ZNF655: variants seen among roughly 807,000 people sequenced by gnomAD.
ZNF655 encodes zinc finger protein 655.
Under a neutral mutation model 6.6 loss-of-function variants are expected in ZNF655, and 3 were observed. That is an observed-to-expected ratio of 0.46 (90% CI 0.21 to 1.18). ZNF655 has a LOEUF of 1.18. ZNF655 is among the 50% of genes most tolerant of loss of function. The pLI, the probability that ZNF655 is intolerant of heterozygous loss-of-function variation, is 0.24. For missense variants in ZNF655, 526 were observed against 572.3 expected (o/e 0.92, Z 0.83); for synonymous variants, 178 against 195.0 (o/e 0.91, Z 0.73).
chr7:99,560,419 A>G (rs1803034693), intron 1 of ZNF655, 114 bp from the exon 2 acceptor site: 1 of 1,091,588 alleles, frequency 9.2e-7, no homozygotes, highest in Non-Finnish European at 1.3e-6. Flanking sequence ...ATCATTATCA[A>G]CTAATTTTTA....
chr7:99,563,958 C>T (rs143471793), intron 2 of ZNF655: 15 of 1,613,934 alleles, frequency 9.3e-6, no homozygotes, highest in Non-Finnish European at 1.3e-5. Flanking sequence ...TGGAGAAACA[C>T]TTGCCGTCCT....
At chr7:99,568,975 G>T (rs1165592834) in intron 2 of ZNF655, among the ~76,000 whole-genome samples, 1 of 152,054 alleles carries the variant, frequency 6.6e-6, no homozygotes, top group Non-Finnish European at 1.5e-5. Context: ...TGTAGAGGTG[G>T]GATCTCACTA....
At chr7:99,560,813 G>T in intron 2 of ZNF655, 118 bp downstream of exon 2, 2 of 1,338,962 alleles carry the variant, frequency 1.5e-6, no homozygotes, top group Non-Finnish European at 2.0e-6. Context: ...GGTCCCTAGA[G>T]GGAGGAATGA....
chr7:99,567,372 A>AAAAATAC (rs1405856021), intron 2 of ZNF655, among the ~76,000 whole-genome samples: 2 of 151,842 alleles, frequency 1.3e-5, no homozygotes, highest in African/African-American at 2.4e-5. Context: ...CGTCTCTACT[A>AAAAATAC]AAAATACAAA....
At chr7:99,561,735 A>G (rs1803190045) in intron 2 of ZNF655, among the ~76,000 whole-genome samples, 1 of 152,390 alleles carries the variant, frequency 6.6e-6, no homozygotes, top group African/African-American at 2.4e-5. Flanking sequence ...GACGAAGCAG[A>G]GTAGACACAC....
chr7:99,572,758 G>C lies in ZNF655; in HGVS notation c.650G>C (p.Cys217Ser). ...GAGAAATCCTATAAATGTGATGTATGTGGGAAAATTTTCCATCAGAGCTCA... is the reference window on the plus strand; with the variant it reads ...GAGAAATCCTATAAATGTGATGTATCTGGGAAAATTTTCCATCAGAGCTCA... ...NTEKSYKCDV[C>S]GKIFHQSSAL... The change falls in exon 3 of 3, where the codon TGT (cysteine) becomes TCT (serine). Residue 217 changes from cysteine to serine, a missense_variant. Cys to Ser is a moderately radical substitution (Grantham distance 112). Transcript: ENST00000252713. 6.2e-7 allele frequency: 1 copy of C among 1,613,170 alleles called. No individual in the cohort carries two copies. Among genetic ancestry groups the C allele is most frequent in the South Asian group, 1.1e-5 (1 of 91,018 alleles).
chr7:99,572,354 A>C lies in ZNF655; in HGVS notation c.246A>C (p.Gln82His). The C allele has an allele frequency of 1.2e-6, 2 of 1,613,928 alleles. No individual in the cohort carries two copies. The highest frequency in any genetic ancestry group is 1.1e-5 in the South Asian group (1 of 91,072). ...RVGRLKHDIT[Q>H]VPETREVYKS... ...GAAGACTCAAACACGATATTACCCA[A>C]GTTCCTGAGACTAGAGAAGTGTATA... Residue 82 changes from glutamine to histidine, a missense_variant, in exon 3 of 3, where the codon CAA becomes CAC. By Grantham distance (24) the Gln-to-His change is conservative (BLOSUM62 0). Transcript: ENST00000252713.
In ZNF655 at chr7:99,572,547, G is replaced by A. The variant is rs145384802; in HGVS notation, c.439G>A (p.Asp147Asn). Reference protein sequence around the residue: ...SFSLDSTIDADQRVLRIQNTD... With the variant: ...SFSLDSTIDANQRVLRIQNTD... The stretch of plus-strand genomic sequence containing the variant: ...CAGTCTGGACTCTACTATTGATGCA[G>A]ATCAGAGAGTTCTTAGAATACAGAA... Residue 147 changes from aspartate to asparagine, a missense_variant, in exon 3 of 3, where the codon GAT becomes AAT. Physicochemically the swap from Asp to Asn is conservative, Grantham distance 23. Coordinates refer to ENST00000252713, the MANE Select transcript of ZNF655 (RefSeq NM_138494.3). 7 of 1,613,946 alleles carry A rather than the reference G, an allele frequency of 4.3e-6. No individual in the cohort carries two copies. The highest frequency in any genetic ancestry group is 5.9e-6 in the Non-Finnish European group (7 of 1,179,948).
At chr7:99,559,762 G>C (rs909749112) in intron 1 of ZNF655, among the ~76,000 whole-genome samples, 2 of 151,358 alleles carry the variant, frequency 1.3e-5, no homozygotes, top group African/African-American at 2.4e-5. Context: ...GGAGTAGCTG[G>C]AACTACAGGC....
chr7:99,560,497 C>A (rs1354463031), intron 1 of ZNF655, 36 bp from the exon 2 acceptor site: 2 of 1,573,390 alleles, frequency 1.3e-6, no homozygotes, highest in African/African-American at 2.7e-5. Flanking sequence ...AATGCTTTAA[C>A]TTATTACAGT....
rs1450775140 is a variant in ZNF655, at chr7:99,560,596, C to T, written c.37C>T (p.Pro13Ser). The part of the protein sequence containing the change: ...EIPAQEAAGS[P>S]RVQFQSLETQ... ...ACCAGCCCAGGAAGCAGCAGGGTCA[C>T]CAAGGGTCCAGTTTCAGTCTTTGGA... The change falls in exon 2 of 3, where the codon CCA becomes TCA. Residue 13 changes from proline to serine, a missense_variant. Transcript: ENST00000252713. The T allele has an allele frequency of 2.5e-6, 4 of 1,614,050 alleles. No homozygotes were observed. Among genetic ancestry groups the T allele is most frequent in the African/African-American group, 1.3e-5 (1 of 74,930 alleles).
rs7805661 is a variant in ZNF655, at chr7:99,573,899, A to C, written c.*315A>C. 19,513 of 280,462 alleles carry C rather than the reference A, an allele frequency of 0.07. 1,078 individuals are homozygous for C. Among genetic ancestry groups the C allele is most frequent in the African/African-American group, 0.18 (8,222 of 45,346 alleles). The allele number at this position is 280,462 out of a possible 1,614,324, so 17.4% of individuals were successfully genotyped here. ...CCTTAGTCACATTTGGAGAATTCAC[A>C]TGGGAATAAAATTCCATTGCTGCAA... On this transcript the variant is annotated 3_prime_UTR_variant, in exon 3 of 3. Coordinates refer to ENST00000252713, the MANE Select transcript of ZNF655 (RefSeq NM_138494.3).
rs200383277 is a variant in ZNF655 at position 99,572,584 on chromosome 7, A to G, written c.476A>G (p.Asn159Ser). Reference protein sequence around the residue: ...RVLRIQNTDDNDKYDMSFNQN... With the variant: ...RVLRIQNTDDSDKYDMSFNQN... Reference sequence around the variant, plus strand: ...CTTAGAATACAGAATACCGATGACAATGATAAGTATGACATGAGCTTCAAC... The same window carrying G: ...CTTAGAATACAGAATACCGATGACAGTGATAAGTATGACATGAGCTTCAAC... Residue 159 changes from asparagine to serine, a missense_variant, in exon 3 of 3, where the codon AAT becomes AGT. Transcript: ENST00000252713. 8 of 1,613,872 alleles carry G rather than the reference A, an allele frequency of 5.0e-6. No homozygotes were observed. Among genetic ancestry groups the G allele is most frequent in the Admixed American group, 3.3e-5 (2 of 60,026 alleles).
intron 2 of ZNF655, chr7:99,562,256 CCCT>C (rs1210090639): frequency 1.5e-5 from 21 of 1,367,536 alleles, no homozygotes; most frequent in South Asian, 7.0e-5. Context: ...AATCTGTTCT[CCCT>C]CCTCCTCAAC....
chr7:99,565,919 GTATT>G (rs1172390664), intron 2 of ZNF655, among the ~76,000 whole-genome samples: 1 of 151,852 alleles, frequency 6.6e-6, no homozygotes, highest in Non-Finnish European at 1.5e-5. Flanking sequence ...CAGCTATTTA[GTATT>G]TATTGAGCAG....
At chr7:99,564,172 CCT>C in intron 2 of ZNF655, 1 of 1,434,338 alleles carries the variant, frequency 7.0e-7, no homozygotes, top group Non-Finnish European at 9.1e-7. Flanking sequence ...CCAAGGAAGC[CCT>C]CTGTTGCAAC....
intron 2 of ZNF655, chr7:99,563,763 T>G (rs1803399116): frequency 7.2e-7 from 1 of 1,394,318 alleles, no homozygotes; most frequent in Non-Finnish European, 9.7e-7. Context: ...TCTCCCTGAT[T>G]ATGCTCAGGA....
chr7:99,565,815 G>A (rs1241773511), intron 2 of ZNF655, among the ~76,000 whole-genome samples: 1 of 152,170 alleles, frequency 6.6e-6, no homozygotes, highest in Non-Finnish European at 1.5e-5. Context: ...AACTGGGTCA[G>A]TAGATTGGGA....
At position 99,575,936 on chromosome 7, in the gene ZNF655, T is replaced by G. The variant is rs547752744; in HGVS notation, c.*2352T>G. On this transcript the variant is annotated 3_prime_UTR_variant, in exon 3 of 3. Transcript: ENST00000252713. ...TACCTAACAAGAGTTCATGATTCTT[T>G]AGGTAATGTCAAAACATTTTGTATT... The G allele has an allele frequency of 6.6e-6, 1 of 152,232 alleles. No homozygotes were observed. The highest frequency in any genetic ancestry group is 1.5e-5 in the Non-Finnish European group (1 of 68,036). The allele number at this position is 152,232 out of a possible 1,614,324, so 9.4% of individuals were successfully genotyped here.
Sources: allele counts gnomAD v4.1 joint callset (sites outside exome capture counted in the v4.1 genomes callset), GRCh38; gene constraint gnomAD v4.1.1; transcripts MANE v1.5; gene names NCBI Gene and HGNC (gene_info 2026-07-23, HGNC 2026-07-21).